The following SFRP1 variants were observed in gnomAD, a reference collection of about 807,000 sequenced individuals.
SFRP1 encodes the protein secreted frizzled-related protein 1.
In SFRP1, 9 loss-of-function variants were observed where a neutral mutation model predicts 25.9. That is an observed-to-expected ratio of 0.35 (90% confidence interval 0.21 to 0.61). The LOEUF is 0.61. SFRP1 is among the 20% of genes least tolerant of loss of function. The pLI, the probability that SFRP1 is intolerant of heterozygous loss-of-function variation, is 0.78. For missense variants in SFRP1, 346 were observed against 418.2 expected, an observed-to-expected ratio of 0.83 and a Z score of 1.51; for synonymous variants, 178 against 174.0, an observed-to-expected ratio of 1.02 and a Z score of -0.18.
At position 41,270,829 on chromosome 8, in the gene SFRP1, A is replaced by AAG. The variant is rs1451636974; in HGVS notation, c.623-5341_623-5340insCT. ...AGAGCAAGACTCCATCTCAAAAAAA[A>AAG]AAAAAGAAAAAGAAAAGAAAAGGGG... On this transcript the variant is annotated intron_variant, in intron 2 of 2. Transcript: ENST00000220772. Among the ~76,000 whole-genome samples the AAG allele has an allele frequency of 4.6e-5, 7 of 151,732 alleles. 1 individual carries two copies. The highest frequency in any genetic ancestry group is 7.2e-5 in the African/African-American group (3 of 41,380).
At chr8:41,273,164 T>C (rs1803532061) in intron 2 of SFRP1, among the ~76,000 whole-genome samples, 1 of 152,260 alleles carries the variant, frequency 6.6e-6, no homozygotes, top group Admixed American at 6.5e-5. Flanking sequence ...AATGATGTGC[T>C]CTACAAAAAT....
intron 2 of SFRP1, among the ~76,000 whole-genome samples, chr8:41,300,984 CAG>C (rs1012421690): frequency 1.5e-4 from 23 of 152,152 alleles, no homozygotes; most frequent in African/African-American, 5.6e-4. Context: ...AGGTACAGTG[CAG>C]GGCTGGAGAC....
At chr8:41,278,633 C>A (rs1289494972) in intron 2 of SFRP1, among the ~76,000 whole-genome samples, 1 of 152,182 alleles carries the variant, frequency 6.6e-6, no homozygotes, top group Non-Finnish European at 1.5e-5. Context: ...CCCCCAGGGG[C>A]CTTGCTTGCA....
intron 2 of SFRP1, among the ~76,000 whole-genome samples, chr8:41,285,199 A>G (rs1803683452): frequency 6.6e-6 from 1 of 152,190 alleles, no homozygotes; most frequent in South Asian, 2.1e-4. Flanking sequence ...GTCTCATTTT[A>G]CCGATCAGAA....
intron 1 of SFRP1, chr8:41,306,729 C>A (rs769473167): frequency 6.3e-7 from 1 of 1,597,980 alleles, no homozygotes; most frequent in East Asian, 2.2e-5. Flanking sequence ...TACCTGAGCG[C>A]TGCTGGGAGG....
At chr8:41,304,110 G>C (rs1000132818) in intron 1 of SFRP1, among the ~76,000 whole-genome samples, 2 of 151,988 alleles carry the variant, frequency 1.3e-5, no homozygotes, top group Admixed American at 6.6e-5. Context: ...AGGCGGGCGG[G>C]GTGGGGCACT....
intron 2 of SFRP1, chr8:41,276,865 T>C (rs886296893): frequency 2.2e-6 from 1 of 449,646 alleles, no homozygotes; most frequent in Non-Finnish European, 4.5e-6. Context: ...ATTGCAACTT[T>C]GCAGAGCCCT....
At chr8:41,272,424 A>G (rs1803521116) in intron 2 of SFRP1, among the ~76,000 whole-genome samples, 1 of 152,234 alleles carries the variant, frequency 6.6e-6, no homozygotes, top group South Asian at 2.1e-4. Flanking sequence ...AGCCTGGCCA[A>G]CGTGGCGAAA....
At chr8:41,304,628 C>T (rs181970728) in intron 1 of SFRP1, among the ~76,000 whole-genome samples, 2 of 152,224 alleles carry the variant, frequency 1.3e-5, no homozygotes, top group Admixed American at 6.5e-5. Flanking sequence ...CTTCATCCTC[C>T]TCCACCATGG....
At chr8:41,274,197 C>G (rs1803545280) in intron 2 of SFRP1, among the ~76,000 whole-genome samples, 1 of 152,190 alleles carries the variant, frequency 6.6e-6, no homozygotes, top group Non-Finnish European at 1.5e-5. Context: ...AACTCCCTCT[C>G]CCATCTCCTG....
chr8:41,269,850 A>G (rs1400490591), intron 2 of SFRP1, among the ~76,000 whole-genome samples: 1 of 152,236 alleles, frequency 6.6e-6, no homozygotes, highest in Non-Finnish European at 1.5e-5. Flanking sequence ...GATAGTAGCA[A>G]TGAAGGGTAA....
At chr8:41,279,718 G>A (rs898271217) in intron 2 of SFRP1, among the ~76,000 whole-genome samples, 1 of 150,922 alleles carries the variant, frequency 6.6e-6, no homozygotes, top group Admixed American at 6.6e-5. Flanking sequence ...GGGATTTAGA[G>A]AGGGAAGCAT....
At chr8:41,306,226 C>T (rs1331458807) in intron 1 of SFRP1, among the ~76,000 whole-genome samples, 1 of 152,174 alleles carries the variant, frequency 6.6e-6, no homozygotes. Context: ...AACACATGAC[C>T]ACAGACAGCT....
intron 2 of SFRP1, among the ~76,000 whole-genome samples, chr8:41,270,683 T>C (rs1265578808): frequency 6.6e-6 from 1 of 151,868 alleles, no homozygotes; most frequent in East Asian, 1.9e-4. Flanking sequence ...TGGGCTTCAT[T>C]CCATACAGAA....
Position 41,263,643 on chromosome 8 carries a change from TA to T in SFRP1, c.*1523del, listed in dbSNP as rs1803400325. ...ATCCGGCTTTGGGGGAAGAAATTAA[TA>T]TGCATTTTTTTTAGAACTACTTCCT... On this transcript the variant is annotated 3_prime_UTR_variant, in exon 3 of 3. Coordinates refer to ENST00000220772, the MANE Select transcript of SFRP1 (RefSeq NM_003012.5). 1 of 152,218 alleles carries T rather than the reference TA, an allele frequency of 6.6e-6. No homozygotes were observed. The highest frequency in any genetic ancestry group is 2.1e-4 in the South Asian group (1 of 4,826). 9.4% of individuals were successfully genotyped at this position (152,218 alleles called of 1,614,324 possible). A position where few individuals can be genotyped will look rare whatever the true frequency, so the allele number is the denominator to read the frequency against.
chr8:41,288,654 C>A (rs1803739193), intron 2 of SFRP1, among the ~76,000 whole-genome samples: 1 of 149,454 alleles, frequency 6.7e-6, no homozygotes, highest in Non-Finnish European at 1.5e-5. Context: ...TGATGGCCAT[C>A]ATTTGGCAAA....
Position 41,265,164 on chromosome 8 carries a change from G to C in SFRP1, c.*3C>G, listed in dbSNP as rs1433074695. 1 of 1,459,188 alleles carries C rather than the reference G, an allele frequency of 6.9e-7. No individual in the cohort carries two copies. Among genetic ancestry groups the C allele is most frequent in the South Asian group, 1.2e-5 (1 of 84,136 alleles). 90.4% of individuals were successfully genotyped at this position (1,459,188 alleles called of 1,614,324 possible). A position where few individuals can be genotyped will look rare whatever the true frequency, so the allele number is the denominator to read the frequency against. On this transcript the variant is annotated 3_prime_UTR_variant, in exon 3 of 3. Coordinates refer to ENST00000220772, the MANE Select transcript of SFRP1 (RefSeq NM_003012.5). ...CTCCCTCCCCACCCTGCCCCCGGGA[G>C]AATCACTTAAACACGGACTGAAAGG...
intron 1 of SFRP1, among the ~76,000 whole-genome samples, 187 bp downstream of exon 1, chr8:41,308,429 T>C (rs1804025277): frequency 6.6e-6 from 1 of 152,214 alleles, no homozygotes; most frequent in Admixed American, 6.5e-5. Context: ...CGAGGGGCGC[T>C]GAGCGATACC....
intron 2 of SFRP1, among the ~76,000 whole-genome samples, chr8:41,277,492 G>A (rs1360733016): frequency 1.3e-5 from 2 of 152,186 alleles, no homozygotes; most frequent in African/African-American, 2.4e-5. Context: ...ACTATCCCTC[G>A]CTCTGAGAGA....
Sources: allele counts gnomAD v4.1 joint callset (sites outside exome capture counted in the v4.1 genomes callset), GRCh38; gene constraint gnomAD v4.1.1; transcripts MANE v1.5; gene names NCBI Gene and HGNC (gene_info 2026-07-23, HGNC 2026-07-21).